Variants in ERP44 observed in about 807,000 individuals in gnomAD.
ERP44 encodes the protein endoplasmic reticulum protein 44, also known as endoplasmic reticulum resident protein 44.
ERP44 carries 25 observed loss-of-function variants against 53.4 expected under a neutral mutation model. The ratio of observed to expected loss-of-function variants is 0.47; its 90% CI spans 0.34 to 0.65. ERP44 has a LOEUF of 0.65. Among genes scored for constraint, ERP44 ranks in the 30% least tolerant of loss-of-function variants. The probability of loss-of-function intolerance (pLI) is 0.01; values close to 1 mark genes in which losing one functional copy is unlikely to be tolerated. For missense variants in ERP44, 338 were observed against 493.2 expected, an observed-to-expected ratio of 0.69 and a Z score of 2.98; for synonymous variants, 145 against 161.2, an observed-to-expected ratio of 0.90 and a Z score of 0.76.
chr9:100,072,215 C>T (rs1826313744), intron 1 of ERP44, among the ~76,000 whole-genome samples: 1 of 152,132 alleles, frequency 6.6e-6, no homozygotes, highest in African/African-American at 2.4e-5. Context: ...TCATTACTAC[C>T]ACATAGTAGT....
In ERP44 at chr9:100,070,903, T is replaced by C. The variant is rs574545665; in HGVS notation, c.58-10731A>G. 7.9e-5 allele frequency among the ~76,000 whole-genome samples: 12 copies of C among 152,034 alleles called. No homozygotes were observed. The South Asian group carries it at 2.5e-3, about 32-fold the overall frequency. ...GAGTTAAGCACAAGGAGTCAAGTATTTGGGAGATAAAGGAGGAACAGAGAA... is the reference window on the plus strand; with the variant it reads ...GAGTTAAGCACAAGGAGTCAAGTATCTGGGAGATAAAGGAGGAACAGAGAA... On this transcript the variant is annotated intron_variant, in intron 1 of 11. Transcript: ENST00000262455.
chr9:100,037,337 G>C (rs1825856161), intron 4 of ERP44, among the ~76,000 whole-genome samples: 1 of 152,160 alleles, frequency 6.6e-6, no homozygotes, highest in Non-Finnish European at 1.5e-5. Context: ...GTCAGAACTT[G>C]AGTTCTGGCA....
At chr9:100,062,458 C>T (rs1421937575) in intron 1 of ERP44, among the ~76,000 whole-genome samples, 1 of 152,062 alleles carries the variant, frequency 6.6e-6, no homozygotes, top group Non-Finnish European at 1.5e-5. Flanking sequence ...AGATTTTACA[C>T]CTGTGTGCTA....
Position 100,067,455 on chromosome 9 carries a change from G to A in ERP44, c.58-7283C>T, listed in dbSNP as rs1482639708. On this transcript the variant is annotated intron_variant, in intron 1 of 11. Transcript: ENST00000262455. ...TGATCCGCCAGCCTCGGCCTCCCGA[G>A]GTGCCGGGATTGCAGACGGAGTCTG... Among the ~76,000 whole-genome samples, 13 of 152,350 alleles carry A rather than the reference G, an allele frequency of 8.5e-5. No homozygotes were observed. In the South Asian group the frequency reaches 1.2e-3, roughly 15 times the overall value.
At chr9:100,070,457 G>T (rs1416032285) in intron 1 of ERP44, among the ~76,000 whole-genome samples, 1 of 152,152 alleles carries the variant, frequency 6.6e-6, no homozygotes, top group Non-Finnish European at 1.5e-5. Context: ...ATTCTCTAAA[G>T]AAGATAACTG....
intron 4 of ERP44, among the ~76,000 whole-genome samples, chr9:100,043,234 G>A (rs1461874421): frequency 4.1e-5 from 4 of 98,096 alleles, no homozygotes; most frequent in Non-Finnish European, 7.0e-5. Flanking sequence ...ACTCCAGCCT[G>A]GGCAACAGAG....
chr9:100,080,517 G>A (rs1485965480), intron 1 of ERP44, among the ~76,000 whole-genome samples: 3 of 151,830 alleles, frequency 2.0e-5, no homozygotes, highest in Non-Finnish European at 2.9e-5. Flanking sequence ...ATTCTGTCCT[G>A]CAAGGGCCTA....
In ERP44 at chr9:100,098,960, C is replaced by G. The variant is rs1253968637; in HGVS notation, c.-120G>C. On this transcript the variant is annotated 5_prime_UTR_variant, in exon 1 of 12. Coordinates refer to ENST00000262455, the MANE Select transcript of ERP44 (RefSeq NM_015051.3). ...CGGCAGCGGAGGATTCTCCAGGCAG[C>G]GGCACCTCGTCCTCTCGACCCGGGC... 9 of 754,376 alleles carry G rather than the reference C, an allele frequency of 1.2e-5. No homozygotes were observed. The highest frequency in any genetic ancestry group is 1.8e-5 in the Non-Finnish European group (8 of 446,374). The allele number at this position is 754,376 out of a possible 1,614,324, so 46.7% of individuals were successfully genotyped here.
At chr9:99,992,564 T>G (rs1404016827) in intron 10 of ERP44, among the ~76,000 whole-genome samples, 1 of 152,186 alleles carries the variant, frequency 6.6e-6, no homozygotes, top group Non-Finnish European at 1.5e-5. Flanking sequence ...AATATCATAC[T>G]GAATGGGCAA....
At chr9:100,082,784 G>T (rs10988964) in intron 1 of ERP44, among the ~76,000 whole-genome samples, 23,786 of 150,348 alleles carry the variant, frequency 0.16, 2,597 homozygotes, top group African/African-American at 0.31. Flanking sequence ...CGTATAAGTA[G>T]ATCCATGCAG....
rs537479179 is a variant in ERP44 at position 100,068,981 on chromosome 9, G to A, written c.58-8809C>T. ...TTCTGCCGTGGGATCCTGTGGATCT[G>A]TGACCTTACCCCCAACCCTGTGCTC... On this transcript the variant is annotated intron_variant, in intron 1 of 11. Coordinates refer to ENST00000262455, the MANE Select transcript of ERP44 (RefSeq NM_015051.3). 3.0e-3 allele frequency among the ~76,000 whole-genome samples: 453 copies of A among 152,360 alleles called. 5 individuals carry two copies. The highest frequency in any genetic ancestry group is 0.01 in the Middle Eastern group (3 of 294).
intron 10 of ERP44, among the ~76,000 whole-genome samples, chr9:99,998,044 T>C (rs962264138): frequency 6.6e-6 from 1 of 152,244 alleles, no homozygotes; most frequent in Non-Finnish European, 1.5e-5. Context: ...CCAATGGAAG[T>C]CATTTTCTGT....
At chr9:100,057,104 G>C (rs1348426534) in intron 3 of ERP44, among the ~76,000 whole-genome samples, 2 of 152,326 alleles carry the variant, frequency 1.3e-5, no homozygotes, top group Middle Eastern at 3.4e-3. Flanking sequence ...GAGTATGGTA[G>C]TGACAGCCAG....
Position 100,018,355 on chromosome 9 carries a change from T to G in ERP44, c.588-42A>C, listed in dbSNP as rs766959996. On this transcript the variant is annotated intron_variant, in intron 6 of 11. Transcript: ENST00000262455. ...ATAGTAATAAACCTGAATGACAGAA[T>G]TTTGCAATGTAGGAATTACAGACTT... 4 of 1,218,700 alleles carry G rather than the reference T, an allele frequency of 3.3e-6. No individual in the cohort carries two copies. The African/African-American group carries it at 5.9e-5, about 18-fold the overall frequency. The allele number at this position is 1,218,700 out of a possible 1,614,324, so 75.5% of individuals were successfully genotyped here. A position where few individuals can be genotyped will look rare whatever the true frequency, so the allele number is the denominator to read the frequency against.
intron 10 of ERP44, chr9:99,999,090 C>G (rs1473978990): frequency 7.3e-6 from 5 of 684,254 alleles, no homozygotes; most frequent in South Asian, 6.4e-5. Context: ...CACGGCCGTT[C>G]CCACAGCGGC....
At chr9:100,069,532 G>A (rs1214596537) in intron 1 of ERP44, among the ~76,000 whole-genome samples, 1 of 152,104 alleles carries the variant, frequency 6.6e-6, no homozygotes, top group Non-Finnish European at 1.5e-5. Flanking sequence ...GGAAATGGAG[G>A]TTGCAGTGAG....
Position 100,064,405 on chromosome 9 carries a change from C to T in ERP44, c.58-4233G>A, listed in dbSNP as rs571244671. 5.3e-5 allele frequency among the ~76,000 whole-genome samples: 8 copies of T among 152,166 alleles called. No homozygotes were observed. The East Asian group carries it at 5.8e-4, about 11-fold the overall frequency. ...GGAAAAGGTCCAGAAATTGAAATTG[C>T]GAACAAACATTTTAACATGTTTGAG... On this transcript the variant is annotated intron_variant, in intron 1 of 11. Coordinates refer to ENST00000262455, the MANE Select transcript of ERP44 (RefSeq NM_015051.3).
intron 10 of ERP44, among the ~76,000 whole-genome samples, chr9:100,004,475 G>A (rs1167063547): frequency 6.6e-6 from 1 of 152,200 alleles, no homozygotes; most frequent in African/African-American, 2.4e-5. Flanking sequence ...CTGGCACCAG[G>A]ATGGGACTAA....
chr9:100,002,575 CA>C (rs1382781474), intron 10 of ERP44, among the ~76,000 whole-genome samples: 1 of 152,178 alleles, frequency 6.6e-6, no homozygotes, highest in Admixed American at 6.5e-5. Context: ...AGACTTTGAA[CA>C]TATCATCCCA....
Sources: gnomAD v4.1 joint callset for allele counts (sites outside exome capture counted in the v4.1 genomes callset) on GRCh38, gnomAD v4.1.1 for gene constraint, MANE v1.5 for transcripts, NCBI Gene and HGNC (gene_info 2026-07-23, HGNC 2026-07-21) for gene names.